RALYL: variants seen among roughly 807,000 people sequenced by gnomAD.
RALYL encodes the protein RNA-binding Raly-like protein.
A neutral mutation model predicts 35.1 loss-of-function variants in RALYL; 29 were observed. The ratio of observed to expected loss-of-function variants is 0.83; its 90% CI spans 0.61 to 1.13. The LOEUF is 1.13. Among genes scored for constraint, RALYL ranks in the 50% most tolerant of loss-of-function variants. RALYL has a pLI of 0.00. For synonymous variants in RALYL, 120 were observed against 127.6 expected (o/e 0.94, Z 0.40); for missense variants, 359 against 360.4 (o/e 1.00, Z 0.03).
intron 1 of RALYL, among the ~76,000 whole-genome samples, chr8:84,348,684 T>G (rs1054235566): frequency 6.6e-6 from 1 of 152,124 alleles, no homozygotes; most frequent in Admixed American, 6.5e-5. Flanking sequence ...TCTCAAAAGG[T>G]ATTCAATTTA....
intron 3 of RALYL, among the ~76,000 whole-genome samples, chr8:84,800,043 A>G (rs978949689): frequency 6.6e-6 from 1 of 152,218 alleles, no homozygotes; most frequent in African/African-American, 2.4e-5. Flanking sequence ...CTACAATTAG[A>G]GATATTTCGT....
intron 3 of RALYL, among the ~76,000 whole-genome samples, chr8:84,804,249 C>CA (rs1824060123): frequency 6.6e-6 from 1 of 152,134 alleles, no homozygotes; most frequent in Non-Finnish European, 1.5e-5. Flanking sequence ...TTTAGAAGCA[C>CA]AAAGGAGGCT....
chr8:84,319,523 A>G (rs1023618927), intron 1 of RALYL, among the ~76,000 whole-genome samples: 5 of 152,040 alleles, frequency 3.3e-5, no homozygotes, highest in African/African-American at 4.8e-5. Context: ...TGATATTCAG[A>G]CAGAGGAAGG....
intron 7 of RALYL, among the ~76,000 whole-genome samples, chr8:84,883,582 C>T (rs1488048168): frequency 6.6e-6 from 1 of 151,936 alleles, no homozygotes; most frequent in Non-Finnish European, 1.5e-5. Flanking sequence ...GGGGAAACCA[C>T]CCCCATCATT....
intron 2 of RALYL, among the ~76,000 whole-genome samples, chr8:84,729,103 A>C (rs1845599569): frequency 6.6e-6 from 1 of 152,176 alleles, no homozygotes; most frequent in African/African-American, 2.4e-5. Flanking sequence ...CTTCCTACCC[A>C]TGAGCATGGA....
At chr8:84,354,065 A>T (rs1028089428) in intron 1 of RALYL, among the ~76,000 whole-genome samples, 2 of 144,538 alleles carry the variant, frequency 1.4e-5, no homozygotes, top group East Asian at 4.0e-4. Context: ...TAAAAAATAG[A>T]TTTTTTTTTT....
chr8:84,796,169 G>A (rs1821864968), intron 3 of RALYL, among the ~76,000 whole-genome samples: 1 of 152,296 alleles, frequency 6.6e-6, no homozygotes, highest in South Asian at 2.1e-4. Flanking sequence ...GTCAGTGCCT[G>A]TACAGACCAA....
chr8:84,212,383 C>G (rs1422760270), intron 1 of RALYL, among the ~76,000 whole-genome samples: 1 of 152,032 alleles, frequency 6.6e-6, no homozygotes, highest in Non-Finnish European at 1.5e-5. Context: ...ATAGTTGATA[C>G]CGTCCTCATG....
At chr8:84,787,198 C>T (rs1819721445) in intron 3 of RALYL, among the ~76,000 whole-genome samples, 1 of 151,504 alleles carries the variant, frequency 6.6e-6, no homozygotes, top group Admixed American at 6.6e-5. Flanking sequence ...TGTGATGTTC[C>T]CCTCTCTGTG....
chr8:84,190,814 A>G (rs539236184), intron 1 of RALYL, among the ~76,000 whole-genome samples: 3 of 152,160 alleles, frequency 2.0e-5, no homozygotes, highest in Admixed American at 6.5e-5. Flanking sequence ...TATCATCTAC[A>G]TTAAAACTCT....
At chr8:84,296,125 C>T (rs1233829915) in intron 1 of RALYL, among the ~76,000 whole-genome samples, 1 of 152,024 alleles carries the variant, frequency 6.6e-6, no homozygotes, top group Non-Finnish European at 1.5e-5. Context: ...ATGGGTGGCA[C>T]TAGAATGTCT....
chr8:84,578,744 G>A (rs908375075), intron 2 of RALYL, among the ~76,000 whole-genome samples: 3 of 152,166 alleles, frequency 2.0e-5, no homozygotes, highest in African/African-American at 7.2e-5. Context: ...CAGGCAAGCT[G>A]TCCCAACAAG....
chr8:84,854,571 C>T (rs572286976), intron 5 of RALYL, among the ~76,000 whole-genome samples: 48 of 152,282 alleles, frequency 3.2e-4, no homozygotes, highest in African/African-American at 1.1e-3. Flanking sequence ...CACTTGCCTG[C>T]AGAGAGCGCT....
intron 2 of RALYL, among the ~76,000 whole-genome samples, chr8:84,765,725 G>A (rs1045812915): frequency 3.3e-5 from 5 of 151,784 alleles, no homozygotes; most frequent in Non-Finnish European, 1.5e-5. Flanking sequence ...CAATGGAACA[G>A]TAATGAATCC....
chr8:84,567,492 TA>T (rs1233788238), intron 2 of RALYL, among the ~76,000 whole-genome samples: 8 of 151,830 alleles, frequency 5.3e-5, no homozygotes, highest in African/African-American at 1.9e-4. Flanking sequence ...ATATTTTACT[TA>T]GGTCTCCATC....
chr8:84,786,953 C>T (rs1483798433), intron 3 of RALYL, among the ~76,000 whole-genome samples: 2 of 152,004 alleles, frequency 1.3e-5, no homozygotes, highest in East Asian at 1.9e-4. Flanking sequence ...AAAAATAGAG[C>T]AAAATATTAA....
intron 1 of RALYL, among the ~76,000 whole-genome samples, chr8:84,200,376 A>T (rs753675234): frequency 2.4e-4 from 36 of 152,286 alleles, no homozygotes; most frequent in Non-Finnish European, 4.9e-4. Context: ...ACTTTAAAAT[A>T]GAGTTTCACA....
chr8:84,836,498 A>G (rs1412115252), intron 4 of RALYL, among the ~76,000 whole-genome samples: 1 of 152,214 alleles, frequency 6.6e-6, no homozygotes, highest in Non-Finnish European at 1.5e-5. Context: ...TGAATATTTC[A>G]TCAATGAAAC....
intron 2 of RALYL, among the ~76,000 whole-genome samples, chr8:84,746,242 A>G (rs190949449): frequency 8.5e-5 from 13 of 152,178 alleles, no homozygotes; most frequent in Admixed American, 6.6e-4. Context: ...TTTCCAACAG[A>G]TATTAGCTCT....
Sources: allele counts gnomAD v4.1 joint callset (sites outside exome capture counted in the v4.1 genomes callset), GRCh38; gene constraint gnomAD v4.1.1; transcripts MANE v1.5; gene names NCBI Gene and HGNC (gene_info 2026-07-23, HGNC 2026-07-21).